The following PACS1 variants were observed in gnomAD, a reference collection of about 807,000 sequenced individuals.
The protein encoded by PACS1 is phosphofurin acidic cluster sorting protein 1, also known as PACS-1.
PACS1 carries 24 observed loss-of-function variants against 115.0 expected under a neutral mutation model. The observed-to-expected ratio is 0.21, with a 90% CI of 0.15 to 0.29. The LOEUF (loss-of-function observed/expected upper bound fraction) is 0.29, where lower values mean the gene tolerates loss of function less well. PACS1 is among the 10% of genes least tolerant of loss of function. The pLI is 1.00. For missense variants in PACS1, 838 were observed against 1,251.2 expected (o/e 0.67, Z 4.98); for synonymous variants, 453 against 504.5 (o/e 0.90, Z 1.37).
rs1171342777 is a variant in PACS1 at position 66,235,205 on chromosome 11, C to G, written c.2105-96C>G. ...CCATCCTTCACTCAACTCCTAGAGTCTGACGGGTCTCAGGAAGGGATCCCT... is the reference window on the plus strand; with the variant it reads ...CCATCCTTCACTCAACTCCTAGAGTGTGACGGGTCTCAGGAAGGGATCCCT... On this transcript the variant is annotated intron_variant, in intron 17 of 23. Coordinates refer to ENST00000320580, the MANE Select transcript of PACS1 (RefSeq NM_018026.4). The surrounding 1 kb of genome is among the most constrained non-coding windows in gnomAD (Gnocchi z 5.6). 6.0e-6 allele frequency: 5 copies of G among 837,576 alleles called. No individual in the cohort carries two copies. In the African/African-American group the frequency reaches 8.3e-5, roughly 14 times the overall value. 51.9% of individuals were successfully genotyped at this position (837,576 alleles called of 1,614,324 possible). A position where few individuals can be genotyped will look rare whatever the true frequency, so the allele number is the denominator to read the frequency against.
At position 66,233,502 on chromosome 11, in the gene PACS1, T is replaced by C. The variant is rs1471169183; in HGVS notation, c.1839-283T>C. Among the ~76,000 whole-genome samples the C allele has an allele frequency of 6.6e-6, 1 of 152,204 alleles. No individual in the cohort carries two copies. Among genetic ancestry groups the C allele is most frequent in the African/African-American group, 2.4e-5 (1 of 41,444 alleles). ...GAAAGAGAACTATGGATTCCAGGCCTGGGGGCACACACCCTGCGGGCATCC... is the reference window on the plus strand; with the variant it reads ...GAAAGAGAACTATGGATTCCAGGCCCGGGGGCACACACCCTGCGGGCATCC... On this transcript the variant is annotated intron_variant, in intron 15 of 23. Coordinates refer to ENST00000320580, the MANE Select transcript of PACS1 (RefSeq NM_018026.4). The surrounding 1 kb of genome is among the most constrained non-coding windows in gnomAD (Gnocchi z 4.5).
intron 21 of PACS1, 77 bp downstream of exon 21, chr11:66,239,354 G>T: frequency 6.6e-7 from 1 of 1,513,940 alleles, no homozygotes; most frequent in Non-Finnish European, 8.9e-7. Flanking sequence ...CAGGCGCATG[G>T]GCTTAGAAGG....
At position 66,108,551 on chromosome 11, in the gene PACS1, C is replaced by G. The variant is rs113051919; in HGVS notation, c.356+37709C>G. 8.5e-3 allele frequency among the ~76,000 whole-genome samples: 1,292 copies of G among 151,960 alleles called. 18 individuals carry two copies. Among genetic ancestry groups the G allele is most frequent in the African/African-American group, 0.029 (1,215 of 41,442 alleles). On this transcript the variant is annotated intron_variant, in intron 1 of 23. Transcript: ENST00000320580. ...CAGCCTGGGCATCATAGCAAGACCC[C>G]CTGTCTCTACAAAAGCTGGCAGCCT...
intron 1 of PACS1, 56 bp from the exon 2 acceptor site, chr11:66,193,430 C>A: frequency 8.1e-7 from 1 of 1,227,580 alleles, no homozygotes; most frequent in Non-Finnish European, 1.2e-6. Flanking sequence ...AATTGTTCAT[C>A]ACTTTTCTCG....
rs1554988658 is a variant in PACS1 at position 66,202,726 on chromosome 11, G to GGGGAAAAAAAAAAAAAAAAAA, written c.445-7636_445-7635insGGGAAAAAAAAAAAAAAAAAA. Among the ~76,000 whole-genome samples, 5 of 10,962 alleles carry GGGGAAAAAAAAAAAAAAAAAA rather than the reference G, an allele frequency of 4.6e-4. 1 individual carries two copies. The highest frequency in any genetic ancestry group is 1.2e-3 in the African/African-American group (5 of 4,190). 7.2% of individuals were successfully genotyped at this position (10,962 alleles called of 152,430 possible). A position where few individuals can be genotyped will look rare whatever the true frequency, so the allele number is the denominator to read the frequency against. ...CAACATGGCAAAACCTCATCTCTAG[G>GGGGAAAAAAAAAAAAAAAAAA]AAAAAAAAAAAAAAAAATATATATA... On this transcript the variant is annotated intron_variant, in intron 2 of 23. Coordinates refer to ENST00000320580, the MANE Select transcript of PACS1 (RefSeq NM_018026.4).
At chr11:66,221,383 C>T in intron 10 of PACS1, 136 bp downstream of exon 10, 2 of 729,314 alleles carry the variant, frequency 2.7e-6, no homozygotes, top group South Asian at 1.6e-5. Flanking sequence ...CATGGTGGAT[C>T]ACAACTGTAA....
intron 1 of PACS1, among the ~76,000 whole-genome samples, chr11:66,163,977 G>C (rs904380112): frequency 6.6e-6 from 1 of 152,148 alleles, no homozygotes; most frequent in Non-Finnish European, 1.5e-5. Context: ...AGTCCAAATT[G>C]CAGTTTTCTT....
At chr11:66,172,096 C>A (rs1440965720) in intron 1 of PACS1, among the ~76,000 whole-genome samples, 1 of 152,190 alleles carries the variant, frequency 6.6e-6, no homozygotes, top group East Asian at 1.9e-4. Flanking sequence ...TCAGACATTG[C>A]CATTCTTGTT....
At chr11:66,099,855 T>G (rs1374218850) in intron 1 of PACS1, among the ~76,000 whole-genome samples, 1 of 151,468 alleles carries the variant, frequency 6.6e-6, no homozygotes, top group Non-Finnish European at 1.5e-5. Flanking sequence ...CTATATCTGT[T>G]TTTGTTTTTT....
intron 1 of PACS1, among the ~76,000 whole-genome samples, chr11:66,150,678 A>T (rs1184474411): frequency 2.0e-5 from 3 of 152,210 alleles, no homozygotes; most frequent in African/African-American, 4.8e-5. Context: ...TATATTTAAA[A>T]ATCCAAAAAG....
Position 66,139,538 on chromosome 11 carries a change from C to G in PACS1, c.357-53948C>G, listed in dbSNP as rs1437284642. 3.3e-5 allele frequency among the ~76,000 whole-genome samples: 5 copies of G among 150,310 alleles called. No individual in the cohort carries two copies. In the Admixed American group the frequency reaches 3.3e-4, roughly 10 times the overall value. ...AGCCTGTGGTAACCATCCTTCTACT[C>G]TTTGTCTCCATGAGTTTAATTGTAT... On this transcript the variant is annotated intron_variant, in intron 1 of 23. Coordinates refer to ENST00000320580, the MANE Select transcript of PACS1 (RefSeq NM_018026.4).
In PACS1 at chr11:66,234,398, C is replaced by T. The variant is rs10896104; in HGVS notation, c.2104+156C>T. ...CATTTTTCCATAAGTGTTTATTAAG[C>T]GGAGGCTCACTGTGCACAGCCCCTC... On this transcript the variant is annotated intron_variant, in intron 17 of 23. Transcript: ENST00000320580. 0.39 allele frequency among the ~76,000 whole-genome samples: 59,121 copies of T among 152,094 alleles called. 12,785 individuals carry two copies. Among genetic ancestry groups the T allele is most frequent in the Non-Finnish European group, 0.48 (32,500 of 67,974 alleles).
chr11:66,172,129 A>C (rs1859754541), intron 1 of PACS1, among the ~76,000 whole-genome samples: 1 of 152,164 alleles, frequency 6.6e-6, no homozygotes, highest in African/African-American at 2.4e-5. Flanking sequence ...TGTTTGTTTA[A>C]ATTTCCCTAT....
chr11:66,208,466 A>G (rs1469013110), intron 2 of PACS1, among the ~76,000 whole-genome samples: 1 of 152,156 alleles, frequency 6.6e-6, no homozygotes, highest in Non-Finnish European at 1.5e-5. Context: ...AATAAAAAAT[A>G]AAAACGGTAA....
Position 66,235,265 on chromosome 11 carries a change from C to A in PACS1, c.2105-36C>A. On this transcript the variant is annotated intron_variant, in intron 17 of 23. Coordinates refer to ENST00000320580, the MANE Select transcript of PACS1 (RefSeq NM_018026.4). The surrounding 1 kb of genome is among the most constrained non-coding windows in gnomAD (Gnocchi z 5.6). ...GGTCTGCAGGTTTGCCAGCTGAAGT[C>A]AGTAGGCAGTTAGTGATCTCTTGGC... 6.6e-7 allele frequency: 1 copy of A among 1,520,474 alleles called. No homozygotes were observed. The highest frequency in any genetic ancestry group is 1.1e-5 in the South Asian group (1 of 88,960). The allele number at this position is 1,520,474 out of a possible 1,614,324, so 94.2% of individuals were successfully genotyped here. A position where few individuals can be genotyped will look rare whatever the true frequency, so the allele number is the denominator to read the frequency against.
At chr11:66,109,731 C>T (rs964930286) in intron 1 of PACS1, among the ~76,000 whole-genome samples, 1 of 152,162 alleles carries the variant, frequency 6.6e-6, no homozygotes, top group Non-Finnish European at 1.5e-5. Flanking sequence ...TGATTTGTTT[C>T]TGATTTCTTT....
intron 4 of PACS1, 95 bp from the exon 5 acceptor site, chr11:66,216,024 A>C (rs1855199666): frequency 9.0e-7 from 1 of 1,109,870 alleles, no homozygotes; most frequent in South Asian, 1.4e-5. Context: ...GTATCAGCAG[A>C]ATGCTGTTGC....
chr11:66,242,053 A>T (rs1855826614), intron 22 of PACS1, among the ~76,000 whole-genome samples: 1 of 152,182 alleles, frequency 6.6e-6, no homozygotes, highest in Non-Finnish European at 1.5e-5. Context: ...GGCCTCTCCA[A>T]AGAGGCCTCA....
intron 11 of PACS1, 194 bp from the exon 12 acceptor site, chr11:66,230,354 G>A: frequency 5.1e-6 from 3 of 590,772 alleles, no homozygotes; most frequent in Non-Finnish European, 9.1e-6. Context: ...CCCACACGGG[G>A]TGTACTCAGT....
Sources: gnomAD v4.1 joint callset for allele counts (sites outside exome capture counted in the v4.1 genomes callset) on GRCh38, gnomAD v4.1.1 for gene constraint, Gnocchi (gnomAD v3.1) non-coding constraint, MANE v1.5 for transcripts, NCBI Gene and HGNC (gene_info 2026-07-23, HGNC 2026-07-21) for gene names.